The following LUZP2 variants were observed in gnomAD, a reference collection of about 807,000 sequenced individuals.
LUZP2 encodes the protein leucine zipper protein 2.
In LUZP2, 52 loss-of-function variants were observed where a neutral mutation model predicts 51.6. That is an observed-to-expected ratio of 1.01 (90% CI 0.81 to 1.27). LUZP2 has a LOEUF of 1.27. Ranked by LOEUF, LUZP2 falls within the 50% of genes most tolerant of loss-of-function variation. The pLI is 0.00. For synonymous variants in LUZP2, 154 were observed against 137.3 expected, an observed-to-expected ratio of 1.12 and a Z score of -0.85; for missense variants, 436 against 395.4, an observed-to-expected ratio of 1.10 and a Z score of -0.87.
chr11:24,775,635 C>T (rs1397834479), intron 5 of LUZP2, among the ~76,000 whole-genome samples: 2 of 152,044 alleles, frequency 1.3e-5, no homozygotes, highest in East Asian at 3.9e-4. Flanking sequence ...CAATTAATTT[C>T]ACTCATTAAT....
chr11:24,754,745 T>G (rs1158227072), intron 4 of LUZP2, among the ~76,000 whole-genome samples: 1 of 152,192 alleles, frequency 6.6e-6, no homozygotes, highest in African/African-American at 2.4e-5. Context: ...ACTGGCCATT[T>G]CTTCAGGAAT....
At chr11:24,946,731 T>A (rs903376059) in intron 7 of LUZP2, among the ~76,000 whole-genome samples, 1 of 151,978 alleles carries the variant, frequency 6.6e-6, no homozygotes. Context: ...AATTTTAGAA[T>A]GTGCTGTATT....
At chr11:24,689,427 G>A (rs567244823) in intron 1 of LUZP2, among the ~76,000 whole-genome samples, 32 of 152,264 alleles carry the variant, frequency 2.1e-4, no homozygotes, top group African/African-American at 7.0e-4. Context: ...CTCTTAGTGC[G>A]TATGCTTGAG....
At chr11:25,026,628 T>A (rs1354001436) in intron 9 of LUZP2, among the ~76,000 whole-genome samples, 2 of 152,122 alleles carry the variant, frequency 1.3e-5, no homozygotes, top group Non-Finnish European at 2.9e-5. Flanking sequence ...ATTTACTTGC[T>A]TTGTTAAATT....
At chr11:24,665,713 C>A (rs1317118479) in intron 1 of LUZP2, among the ~76,000 whole-genome samples, 1 of 152,120 alleles carries the variant, frequency 6.6e-6, no homozygotes, top group Non-Finnish European at 1.5e-5. Context: ...TCTCCTGCCA[C>A]CTTGTGAAGA....
chr11:24,964,165 T>G (rs548269790), intron 7 of LUZP2, among the ~76,000 whole-genome samples: 1 of 152,302 alleles, frequency 6.6e-6, no homozygotes, highest in Admixed American at 6.5e-5. Flanking sequence ...TTCCTGCCAA[T>G]GTTTGTTAAC....
intron 1 of LUZP2, among the ~76,000 whole-genome samples, chr11:24,552,807 G>A (rs954001672): frequency 2.6e-5 from 4 of 151,678 alleles, no homozygotes; most frequent in African/African-American, 7.2e-5. Flanking sequence ...TGATATATAC[G>A]CTGTTAGATA....
chr11:24,832,297 T>G (rs1331451000), intron 5 of LUZP2, among the ~76,000 whole-genome samples: 1 of 151,942 alleles, frequency 6.6e-6, no homozygotes, highest in East Asian at 1.9e-4. Flanking sequence ...AATGATTACA[T>G]TATCTCCTGT....
intron 5 of LUZP2, among the ~76,000 whole-genome samples, chr11:24,808,598 A>G (rs980780393): frequency 5.9e-5 from 9 of 152,130 alleles, no homozygotes; most frequent in Non-Finnish European, 1.3e-4. Context: ...TTCTTATATA[A>G]AATTATTTTA....
chr11:24,991,990 T>A (rs942123593), intron 9 of LUZP2, among the ~76,000 whole-genome samples: 1 of 152,134 alleles, frequency 6.6e-6, no homozygotes, highest in Non-Finnish European at 1.5e-5. Context: ...ATTTATAGAT[T>A]GTGAAGATTA....
intron 1 of LUZP2, among the ~76,000 whole-genome samples, chr11:24,681,792 C>T (rs1856744680): frequency 6.6e-6 from 1 of 152,016 alleles, no homozygotes; most frequent in Non-Finnish European, 1.5e-5. Context: ...TTATTTTGTA[C>T]TATACACTAT....
At chr11:24,937,082 G>T (rs1854607017) in intron 7 of LUZP2, among the ~76,000 whole-genome samples, 1 of 151,680 alleles carries the variant, frequency 6.6e-6, no homozygotes, top group Admixed American at 6.6e-5. Flanking sequence ...ATGAGTAAAA[G>T]TAAGAAGCAC....
intron 5 of LUZP2, among the ~76,000 whole-genome samples, chr11:24,841,828 A>G (rs1851041691): frequency 1.3e-5 from 2 of 152,122 alleles, no homozygotes; most frequent in Non-Finnish European, 2.9e-5. Context: ...ATAGACAGAC[A>G]ATGAGCAAAG....
intron 7 of LUZP2, among the ~76,000 whole-genome samples, chr11:24,926,937 G>T (rs1327109320): frequency 6.6e-6 from 1 of 151,228 alleles, no homozygotes; most frequent in Non-Finnish European, 1.5e-5. Context: ...GACCATTCTT[G>T]CAGGAATAAA....
intron 5 of LUZP2, among the ~76,000 whole-genome samples, chr11:24,811,407 C>A (rs1850017015): frequency 6.6e-6 from 1 of 152,140 alleles, no homozygotes; most frequent in South Asian, 2.1e-4. Flanking sequence ...TTGCTTCTAG[C>A]ACAGATTTGC....
At chr11:24,598,469 C>G (rs1853518371) in intron 1 of LUZP2, among the ~76,000 whole-genome samples, 1 of 151,774 alleles carries the variant, frequency 6.6e-6, no homozygotes, top group Non-Finnish European at 1.5e-5. Flanking sequence ...ATAGAAGCTG[C>G]TGCATGATTT....
intron 9 of LUZP2, among the ~76,000 whole-genome samples, chr11:25,034,555 C>T (rs756639477): frequency 4.7e-4 from 72 of 152,058 alleles, no homozygotes; most frequent in Non-Finnish European, 4.9e-4. Flanking sequence ...TGAGTTCTTA[C>T]ATTTAAATAT....
intron 1 of LUZP2, among the ~76,000 whole-genome samples, chr11:24,656,974 A>G (rs999550380): frequency 6.6e-6 from 1 of 152,188 alleles, no homozygotes; most frequent in Non-Finnish European, 1.5e-5. Context: ...CTATTCACAG[A>G]GTCTGAGGAT....
At chr11:24,915,084 T>C (rs1853751527) in intron 7 of LUZP2, among the ~76,000 whole-genome samples, 1 of 152,152 alleles carries the variant, frequency 6.6e-6, no homozygotes, top group African/African-American at 2.4e-5. Context: ...TTATTTCATG[T>C]TATTTTACAT....
Sources: allele counts gnomAD v4.1 joint callset (sites outside exome capture counted in the v4.1 genomes callset), GRCh38; gene constraint gnomAD v4.1.1; transcripts MANE v1.5; gene names NCBI Gene and HGNC (gene_info 2026-07-23, HGNC 2026-07-21).